Variants in IPO5 observed in about 807,000 individuals in gnomAD.
IPO5 encodes the protein importin-5.
IPO5 carries 18 observed loss-of-function variants against 143.3 expected under a neutral mutation model. That is an observed-to-expected ratio of 0.13 (90% CI 0.09 to 0.19). The LOEUF is 0.19. IPO5 is among the 10% of genes least tolerant of loss of function. The pLI, the probability that IPO5 is intolerant of heterozygous loss-of-function variation, is 1.00. For synonymous variants in IPO5, 477 were observed against 465.7 expected (o/e 1.02, Z -0.31); for missense variants, 1,013 against 1,336.9 (o/e 0.76, Z 3.78).
chr13:98,018,806 G>A, intron 26 of IPO5, 102 bp downstream of exon 26: 1 of 781,216 alleles, frequency 1.3e-6, no homozygotes, highest in Non-Finnish European at 2.1e-6. Context: ...GCCTATTTCT[G>A]CTGTAGTCTG....
chr13:98,002,773 G>A lies in IPO5; in HGVS notation c.1323G>A (p.Lys441=), dbSNP rs1441282192. The A allele has an allele frequency of 3.1e-6, 5 of 1,608,708 alleles. No individual in the cohort carries two copies. Among genetic ancestry groups the A allele is most frequent in the Non-Finnish European group, 4.2e-6 (5 of 1,177,916 alleles). The change falls in exon 15 of 29, where the codon AAG becomes AAA. Residue 441 remains lysine, a splice_region_variant and synonymous_variant. Coordinates refer to ENST00000651721, the MANE Select transcript of IPO5 (RefSeq NM_002271.6). ...APGFQKKFHE[K]VIAALLQTME... ...GTTTCCAAAAGAAATTTCATGAGAA[G>A]GTAAGTAACAAGTCCTCAAACACTT...
At chr13:97,955,367 A>G (rs1483793563) in intron 2 of IPO5, among the ~76,000 whole-genome samples, 2 of 152,198 alleles carry the variant, frequency 1.3e-5, no homozygotes, top group Non-Finnish European at 2.9e-5. Context: ...ATGCTTGGTC[A>G]TCTGCCTTCC....
At chr13:98,021,260 T>C (rs1890467573) in intron 28 of IPO5, 127 bp downstream of exon 28, 1 of 768,108 alleles carries the variant, frequency 1.3e-6, no homozygotes, top group East Asian at 2.9e-5. Flanking sequence ...TAGTCTCTTG[T>C]CTCCAAGCCT....
intron 16 of IPO5, among the ~76,000 whole-genome samples, chr13:98,005,547 G>T (rs796121655): frequency 3.3e-5 from 5 of 152,114 alleles, no homozygotes; most frequent in African/African-American, 1.2e-4. Context: ...GACGGGCCCA[G>T]CAGCAAATAG....
chr13:98,010,798 T>TTTTTTTTTTTTTG (rs1555311050), intron 20 of IPO5, among the ~76,000 whole-genome samples: 2 of 143,662 alleles, frequency 1.4e-5, no homozygotes, highest in African/African-American at 2.7e-5. Flanking sequence ...TTTTTTTTTT[T>TTTTTTTTTTTTTG]GAGGTGGAGT....
At chr13:97,977,452 A>C (rs908854923) in intron 4 of IPO5, among the ~76,000 whole-genome samples, 1 of 152,204 alleles carries the variant, frequency 6.6e-6, no homozygotes, top group Non-Finnish European at 1.5e-5. Flanking sequence ...CTGGGCTTAT[A>C]ATACACTTAC....
chr13:98,018,864 G>C (rs1017224077), intron 26 of IPO5, among the ~76,000 whole-genome samples, 160 bp downstream of exon 26: 3 of 152,116 alleles, frequency 2.0e-5, no homozygotes, highest in African/African-American at 4.8e-5. Context: ...ATGATAAAAA[G>C]ATGATTTATT....
At position 98,009,917 on chromosome 13, in the gene IPO5, A is replaced by C; in HGVS notation, c.1837A>C (p.Lys613Gln). ...YMISAWARMCKILGKEFQQYL... is the reference protein window; with the variant it reads ...YMISAWARMCQILGKEFQQYL... ...GATCTCAGCATGGGCCAGAATGTGC[A>C]AAATCCTTGGAAAAGAATTTCAGCA... Residue 613 changes from lysine to glutamine, a missense_variant, in exon 19 of 29, where the codon AAA becomes CAA. This residue lies in a region of IPO5 where 685 missense variants were observed against 994.9 expected (regional missense o/e 0.69). Transcript: ENST00000651721. The C allele has an allele frequency of 6.2e-7, 1 of 1,613,420 alleles. No homozygotes were observed.
chr13:97,962,504 T>G (rs1395861831), intron 2 of IPO5, among the ~76,000 whole-genome samples: 1 of 152,032 alleles, frequency 6.6e-6, no homozygotes, highest in Admixed American at 6.6e-5. Context: ...GCCAGGGTCC[T>G]CAAGAGAAAA....
chr13:98,019,917 C>G, intron 27 of IPO5, 108 bp downstream of exon 27: 2 of 694,028 alleles, frequency 2.9e-6, no homozygotes, highest in Non-Finnish European at 5.1e-6. Flanking sequence ...TCTGCACAGT[C>G]CTCAGTTGTA....
chr13:97,979,442 C>T (rs1004675913), intron 4 of IPO5, among the ~76,000 whole-genome samples: 18 of 152,094 alleles, frequency 1.2e-4, no homozygotes, highest in African/African-American at 4.3e-4. Context: ...GGATATTTCT[C>T]TTTAACTTTA....
rs376731724 is a variant in IPO5, at chr13:98,002,456, T to G, written c.1109-11T>G. The G allele has an allele frequency of 2.1e-5, 34 of 1,613,400 alleles. No homozygotes were observed. In the Middle Eastern group the frequency reaches 2.8e-3, roughly 133 times the overall value. The stretch of plus-strand genomic sequence containing the variant: ...TGTAATTGCTATTCCATCTGTAATT[T>G]TTTTCGGTAGCTGACTGGAAATACC... On this transcript the variant is annotated splice_polypyrimidine_tract_variant and intron_variant, in intron 13 of 28. Transcript: ENST00000651721.
intron 11 of IPO5, among the ~76,000 whole-genome samples, chr13:97,993,591 A>G (rs1209295696): frequency 6.6e-6 from 1 of 152,240 alleles, no homozygotes; most frequent in Non-Finnish European, 1.5e-5. Context: ...CTTGCTTACC[A>G]GTGAAGCCAA....
intron 16 of IPO5, among the ~76,000 whole-genome samples, chr13:98,005,158 A>C (rs142115887): frequency 0.013 from 1,943 of 149,394 alleles, 47 homozygotes; most frequent in African/African-American, 0.045. Flanking sequence ...GGGCCTCCCA[A>C]AGTGCTGGGA....
chr13:97,979,465 C>G (rs2139621670), intron 4 of IPO5, among the ~76,000 whole-genome samples: 1 of 152,176 alleles, frequency 6.6e-6, no homozygotes, highest in East Asian at 1.9e-4. Flanking sequence ...GAAAATGTTT[C>G]TCATTTGAAG....
At chr13:97,958,531 T>C (rs146006458) in intron 2 of IPO5, among the ~76,000 whole-genome samples, 12 of 152,236 alleles carry the variant, frequency 7.9e-5, no homozygotes, top group African/African-American at 2.6e-4. Context: ...TGTTACCCCA[T>C]TGCAGGGTCC....
At chr13:98,004,135 A>C (rs1889020588) in intron 16 of IPO5, among the ~76,000 whole-genome samples, 8 of 152,240 alleles carry the variant, frequency 5.3e-5, no homozygotes, top group Admixed American at 5.2e-4. Flanking sequence ...AATGAAATGA[A>C]TAGAAGGCAT....
rs568589408 is a variant in IPO5, at chr13:98,006,356, A to ATTTTTTTTTTTTTTTTTT, written c.1716+27_1716+44dup. The stretch of plus-strand genomic sequence containing the variant: ...GCTGTTGGGAAGGAAAAAGTAAGTA[A>ATTTTTTTTTTTTTTTTTT]TTTTTTTTTTTTTTTTTTTTTTTTT... On this transcript the variant is annotated intron_variant, in intron 17 of 28. Transcript: ENST00000651721. The ATTTTTTTTTTTTTTTTTT allele has an allele frequency of 9.0e-6, 5 of 556,880 alleles. 1 individual carries two copies. Among genetic ancestry groups the ATTTTTTTTTTTTTTTTTT allele is most frequent in the East Asian group, 9.4e-5 (2 of 21,268 alleles). 34.5% of individuals were successfully genotyped at this position (556,880 alleles called of 1,614,324 possible).
intron 4 of IPO5, among the ~76,000 whole-genome samples, chr13:97,977,938 A>C (rs1277211758): frequency 6.6e-6 from 1 of 152,232 alleles, no homozygotes; most frequent in African/African-American, 2.4e-5. Flanking sequence ...TCCTCTTCTG[A>C]ACTCAGGCCT....
Sources: gnomAD v4.1 joint callset for allele counts (sites outside exome capture counted in the v4.1 genomes callset) on GRCh38, gnomAD v4.1.1 for gene constraint, gnomAD v4.1.1 regional missense constraint, MANE v1.5 for transcripts, NCBI Gene and HGNC (gene_info 2026-07-23, HGNC 2026-07-21) for gene names.